POLQ: variants seen among roughly 807,000 people sequenced by gnomAD.
POLQ encodes the protein epididymis secretory sperm binding protein.
In POLQ, 233 loss-of-function variants were observed where a neutral mutation model predicts 259.2. That is an observed-to-expected ratio of 0.90 (90% CI 0.81 to 1.00). The LOEUF is 1.00. Ranked by LOEUF, POLQ falls within the 50% of genes least tolerant of loss-of-function variation. The pLI is 0.00. For synonymous variants in POLQ, 1,025 were observed against 1,048.8 expected (o/e 0.98, Z 0.44); for missense variants, 2,871 against 3,051.6 (o/e 0.94, Z 1.39).
Position 121,489,767 on chromosome 3 carries a change from C to G in POLQ, c.3164G>C (p.Ser1055Thr), listed in dbSNP as rs755148698. ...ACACGCTCCAGAGTCTTTCAGGGGG[C>G]TGCTGTCCCTAGATCGCTTTAGATG... is the stretch of plus-strand genomic sequence containing the variant. ...RKHLKRSRDS[S>T]PLKDSGACRI... The change falls in exon 16 of 30, where the codon AGC becomes ACC. Residue 1055 changes from serine to threonine, a missense_variant. Physicochemically the swap from Ser to Thr is moderately conservative, Grantham distance 58 (BLOSUM62 1). Around this residue, in one of 3 missense-constraint regions of POLQ, gnomAD observed 2,080 missense variants for 2,126.0 expected, o/e 0.98. Transcript: ENST00000264233. The G allele has an allele frequency of 2.5e-6, 4 of 1,612,082 alleles. No individual in the cohort carries two copies. The highest frequency in any genetic ancestry group is 1.3e-5 in the African/African-American group (1 of 74,842).
intron 26 of POLQ, 93 bp from the exon 27 acceptor site, chr3:121,440,209 C>T (rs2047579465): frequency 1.2e-6 from 1 of 860,322 alleles, no homozygotes; most frequent in South Asian, 1.7e-5. Flanking sequence ...ACCAAAACCC[C>T]ACGATGATTC....
At position 121,496,890 on chromosome 3, in the gene POLQ, A is replaced by AAC. The variant is rs1228830423; in HGVS notation, c.2194_2195dup (p.Pro733PhefsTer3). ...ATTTCTGATTTATTTCCCTTAAGGG[A>AAC]ACTTCACTGATTAAATCTAATAGCA... On this transcript the variant is annotated frameshift_variant, in exon 14 of 30. Transcript: ENST00000264233. LOFTEE classifies it high-confidence loss of function. 1 of 1,613,144 alleles carries AAC rather than the reference A, an allele frequency of 6.2e-7. No homozygotes were observed. Among genetic ancestry groups the AAC allele is most frequent in the East Asian group, 2.2e-5 (1 of 44,872 alleles).
chr3:121,488,622 C>T lies in POLQ; in HGVS notation c.4309G>A (p.Val1437Ile). The change falls in exon 16 of 30, where the codon GTT becomes ATT. Residue 1437 changes from valine (V) to isoleucine (I), a missense_variant. Coordinates refer to ENST00000264233, the MANE Select transcript of POLQ (RefSeq NM_199420.4). ...AAACTATTTAATTGTGAATCAGTAACAGAAACTTCATTCTTTTTTAAAAAA... is the reference window on the plus strand; with the variant it reads ...AAACTATTTAATTGTGAATCAGTAATAGAAACTTCATTCTTTTTTAAAAAA... ...GLFLKKNEVS[V>I]TDSQLNSFLQ... 6.2e-7 allele frequency: 1 copy of T among 1,603,210 alleles called. No homozygotes were observed. The highest frequency in any genetic ancestry group is 8.5e-7 in the Non-Finnish European group (1 of 1,176,870).
At chr3:121,478,270 T>C (rs1030979832) in intron 19 of POLQ, among the ~76,000 whole-genome samples, 1 of 151,990 alleles carries the variant, frequency 6.6e-6, no homozygotes, top group Non-Finnish European at 1.5e-5. Context: ...AAGGGAAGAT[T>C]TCCCCCACGT....
chr3:121,463,090 C>T (rs2047806023), intron 24 of POLQ, among the ~76,000 whole-genome samples: 1 of 152,198 alleles, frequency 6.6e-6, no homozygotes, highest in African/African-American at 2.4e-5. Context: ...TCAAATAACA[C>T]ACCTGATAAG....
chr3:121,490,213 A>T lies in POLQ; in HGVS notation c.2718T>A (p.Ser906=). Residue 906 remains serine, a synonymous_variant, in exon 16 of 30, where the codon TCT becomes TCA. Transcript: ENST00000264233. ...CACTATGAGTCAATGAGCATGTACTAGAATGTAACAGGGCACATGGATTCC... is the reference window on the plus strand; with the variant it reads ...CACTATGAGTCAATGAGCATGTACTTGAATGTAACAGGGCACATGGATTCC... ...VQWNPCALLH[S]STCSLTHSES... is the part of the protein sequence containing the mutation. 1 of 1,614,066 alleles carries T rather than the reference A, an allele frequency of 6.2e-7. No individual in the cohort carries two copies. The highest frequency in any genetic ancestry group is 1.1e-5 in the South Asian group (1 of 91,070).
intron 2 of POLQ, among the ~76,000 whole-genome samples, chr3:121,544,050 C>T (rs1406672916): frequency 1.3e-5 from 2 of 151,556 alleles, no homozygotes; most frequent in South Asian, 2.1e-4. Context: ...TATATACAAC[C>T]CTGTACAAAC....
Position 121,472,092 on chromosome 3 carries a change from C to T in POLQ, c.6616G>A (p.Ala2206Thr), listed in dbSNP as rs1386555396. 3 of 1,576,502 alleles carry T rather than the reference C, an allele frequency of 1.9e-6. No individual in the cohort carries two copies. The highest frequency in any genetic ancestry group is 2.6e-6 in the Non-Finnish European group (3 of 1,149,868). The change falls in exon 22 of 30, where the codon GCT becomes ACT. Residue 2206 changes from alanine to threonine, a missense_variant. This residue lies in a region of POLQ where 2,080 missense variants were observed against 2,126.0 expected (regional missense o/e 0.98). Coordinates refer to ENST00000264233, the MANE Select transcript of POLQ (RefSeq NM_199420.4). ...LILEWRRITN[A>T]ITKVVFPLQR... ...AGGGGAAAGACCACTTTGGTAATAG[C>T]ATTAGTGATTCTTCTCCATTCTAAT...
chr3:121,493,430 A>ATTTTT, intron 15 of POLQ, 48 bp downstream of exon 15: 1 of 1,343,602 alleles, frequency 7.4e-7, no homozygotes, highest in Non-Finnish European at 1.0e-6. Context: ...TAAAATTGAC[A>ATTTTT]TTTTTTTTTT....
At chr3:121,460,482 G>A (rs1447279895) in intron 24 of POLQ, among the ~76,000 whole-genome samples, 4 of 152,086 alleles carry the variant, frequency 2.6e-5, no homozygotes, top group African/African-American at 7.2e-5. Flanking sequence ...TCTGCCCACC[G>A]TGGAGTGTGT....
At chr3:121,494,806 C>G in intron 14 of POLQ, 1 of 1,498,816 alleles carries the variant, frequency 6.7e-7, no homozygotes, top group African/African-American at 1.4e-5. Flanking sequence ...AGGATGAGAC[C>G]CACCGTCACT....
At chr3:121,504,568 C>A (rs1382179289) in intron 12 of POLQ, among the ~76,000 whole-genome samples, 1 of 152,148 alleles carries the variant, frequency 6.6e-6, no homozygotes, top group Non-Finnish European at 1.5e-5. Flanking sequence ...TCCAAAACCA[C>A]ACAAAGACAT....
At chr3:121,498,448 C>T (rs1482996725) in intron 13 of POLQ, 29 bp downstream of exon 13, 1 of 1,551,166 alleles carries the variant, frequency 6.4e-7, no homozygotes, top group Non-Finnish European at 8.9e-7. Flanking sequence ...GTGTTAAATA[C>T]CGGAGAGCCC....
rs1314362368 is a variant in POLQ at position 121,544,796 on chromosome 3, T to C, written c.274A>G (p.Met92Val). 6.2e-7 allele frequency: 1 copy of C among 1,613,406 alleles called. No homozygotes were observed. The highest frequency in any genetic ancestry group is 8.5e-7 in the Non-Finnish European group (1 of 1,179,476). Residue 92 changes from methionine to valine, a missense_variant, in exon 2 of 30, where the codon ATG (methionine) becomes GTG (valine). By Grantham distance (21) the Met-to-Val change is conservative (BLOSUM62 1). Coordinates refer to ENST00000264233, the MANE Select transcript of POLQ (RefSeq NM_199420.4). Reference sequence around the variant, plus strand: ...AGGCACTCTGCCTGCCATTCAAACATCTTTTTTACACCAAAACTGTGGTAT... The same window carrying C: ...AGGCACTCTGCCTGCCATTCAAACACCTTTTTTACACCAAAACTGTGGTAT... ...EKYHSFGVKK[M>V]FEWQAECLLL...
Position 121,432,221 on chromosome 3 carries a change from G to T in POLQ, c.*83C>A. ...AAGACTTGAAAGTTTGTTTTGCTGAGGTAGGTGAAAGGGTAATCTCTGTTC... is the reference window on the plus strand; with the variant it reads ...AAGACTTGAAAGTTTGTTTTGCTGATGTAGGTGAAAGGGTAATCTCTGTTC... On this transcript the variant is annotated 3_prime_UTR_variant, in exon 30 of 30. Coordinates refer to ENST00000264233, the MANE Select transcript of POLQ (RefSeq NM_199420.4). The T allele has an allele frequency of 7.9e-7, 1 of 1,271,560 alleles. No homozygotes were observed. Among genetic ancestry groups the T allele is most frequent in the Non-Finnish European group, 1.1e-6 (1 of 936,246 alleles). 78.8% of individuals were successfully genotyped at this position (1,271,560 alleles called of 1,614,324 possible).
chr3:121,514,049 C>A (rs565414295), intron 9 of POLQ, among the ~76,000 whole-genome samples: 2 of 137,086 alleles, frequency 1.5e-5, no homozygotes, highest in Non-Finnish European at 1.5e-5. Flanking sequence ...AAAAAAGAGG[C>A]CAGGCATGGT....
chr3:121,525,124 G>A (rs1390139065), intron 7 of POLQ, among the ~76,000 whole-genome samples: 5 of 152,064 alleles, frequency 3.3e-5, no homozygotes, highest in African/African-American at 9.7e-5. Context: ...AGTGGATCAC[G>A]AGGTTAGGAG....
chr3:121,441,585 T>C (rs148786078), intron 26 of POLQ, among the ~76,000 whole-genome samples: 13 of 152,358 alleles, frequency 8.5e-5, no homozygotes, highest in Non-Finnish European at 1.6e-4. Context: ...TATTCCTTGA[T>C]CTATACTACT....
chr3:121,457,038 G>A (rs1305788876), intron 25 of POLQ, among the ~76,000 whole-genome samples: 1 of 152,126 alleles, frequency 6.6e-6, no homozygotes, highest in Non-Finnish European at 1.5e-5. Flanking sequence ...AAACAGAAAT[G>A]TAGATCAATG....
Sources: gnomAD v4.1 joint callset for allele counts (sites outside exome capture counted in the v4.1 genomes callset) on GRCh38, gnomAD v4.1.1 for gene constraint, gnomAD v4.1.1 regional missense constraint, MANE v1.5 for transcripts, NCBI Gene and HGNC (gene_info 2026-07-23, HGNC 2026-07-21) for gene names.